PDE4D: variants seen among roughly 807,000 people sequenced by gnomAD.
PDE4D encodes 3',5'-cyclic-AMP phosphodiesterase 4D.
Under a neutral mutation model 87.4 loss-of-function variants are expected in PDE4D, and 24 were observed. That is an observed-to-expected ratio of 0.27 (90% CI 0.20 to 0.39). PDE4D has a LOEUF of 0.39. PDE4D is among the 10% of genes least tolerant of loss of function. The probability of loss-of-function intolerance (pLI) is 1.00; values close to 1 mark genes in which losing one functional copy is unlikely to be tolerated. For synonymous variants in PDE4D, 384 were observed against 383.2 expected (o/e 1.00, Z -0.02); for missense variants, 714 against 1,041.0 (o/e 0.69, Z 4.32).
intron 1 of PDE4D, among the ~76,000 whole-genome samples, chr5:59,235,289 G>A (rs992999328): frequency 6.6e-6 from 1 of 152,162 alleles, no homozygotes; most frequent in Non-Finnish European, 1.5e-5. Context: ...TCCTGGGTGA[G>A]ACAAAAGAAT....
chr5:60,460,079 C>G (rs1170121018), intron 1 of PDE4D: 3 of 1,603,206 alleles, frequency 1.9e-6, no homozygotes, highest in Non-Finnish European at 1.7e-6. Flanking sequence ...TCATCAGCAC[C>G]TGCATCAGAA....
At chr5:60,065,574 C>T (rs944442928) in intron 2 of PDE4D, among the ~76,000 whole-genome samples, 1 of 152,020 alleles carries the variant, frequency 6.6e-6, no homozygotes, top group Non-Finnish European at 1.5e-5. Context: ...TCTCCTAATG[C>T]TATCCCTCCC....
chr5:59,268,184 G>T (rs766502275), intron 1 of PDE4D, among the ~76,000 whole-genome samples: 1 of 151,794 alleles, frequency 6.6e-6, no homozygotes, highest in East Asian at 1.9e-4. Context: ...TCTCTAATTC[G>T]CATCCTCAGC....
intron 1 of PDE4D, among the ~76,000 whole-genome samples, chr5:59,767,159 T>C (rs78728625): frequency 0.016 from 2,366 of 152,202 alleles, 68 homozygotes; most frequent in African/African-American, 0.054. Flanking sequence ...GCTTTTTTTT[T>C]CCCTCCCATT....
chr5:60,143,717 G>A (rs1780757178), intron 2 of PDE4D, among the ~76,000 whole-genome samples: 1 of 151,372 alleles, frequency 6.6e-6, no homozygotes, highest in African/African-American at 2.4e-5. Context: ...AACCATGGTT[G>A]AGAAACACCC....
chr5:59,839,957 T>C (rs1742719856), intron 1 of PDE4D, among the ~76,000 whole-genome samples: 1 of 152,078 alleles, frequency 6.6e-6, no homozygotes, highest in East Asian at 1.9e-4. Context: ...ATACTGTCAT[T>C]TAGAATACAA....
In PDE4D at chr5:59,836,618, G is replaced by GTATCTATCTATC. The variant is rs6149046; in HGVS notation, c.455+56538_455+56549dup. On this transcript the variant is annotated intron_variant, in intron 1 of 14. Coordinates refer to ENST00000340635, the MANE Select transcript of PDE4D (RefSeq NM_001104631.2). ...TTTTCTGTCTTACCACTTCCAAGAT[G>GTATCTATCTATC]TATCTATCTATCTATCTATCTATCT... Among the ~76,000 whole-genome samples, 1,013 of 140,470 alleles carry GTATCTATCTATC rather than the reference G, an allele frequency of 7.2e-3. 6 individuals carry two copies. Among genetic ancestry groups the GTATCTATCTATC allele is most frequent in the Non-Finnish European group, 7.6e-3 (508 of 66,692 alleles). 92.2% of individuals were successfully genotyped at this position (140,470 alleles called of 152,430 possible).
rs76699158 is a variant in PDE4D, at chr5:60,154,941, A to G, written c.42+30616T>C. Among the ~76,000 whole-genome samples, 409 of 152,312 alleles carry G rather than the reference A, an allele frequency of 2.7e-3. 2 individuals carry two copies. Among genetic ancestry groups the G allele is most frequent in the Non-Finnish European group, 2.6e-3 (180 of 68,032 alleles). ...TTCATTCTCACAGCTGATTAGTATT[A>G]GAGTTGTATTCTTAGGTTCTTGTGA... On this transcript the variant is annotated intron_variant, in intron 2 of 16. Coordinates refer to the PDE4D transcript ENST00000502484.
intron 2 of PDE4D, among the ~76,000 whole-genome samples, chr5:59,213,334 G>A (rs543010544): frequency 1.4e-4 from 21 of 151,576 alleles, no homozygotes; most frequent in African/African-American, 5.1e-4. Flanking sequence ...CTATTTTTTT[G>A]GATTTTTAGT....
At chr5:59,515,165 C>A (rs1020146502) in intron 1 of PDE4D, among the ~76,000 whole-genome samples, 1 of 152,164 alleles carries the variant, frequency 6.6e-6, no homozygotes, top group African/African-American at 2.4e-5. Flanking sequence ...GAGGAAGTTA[C>A]CAAAACTAAT....
At chr5:59,722,164 A>C (rs546959909) in intron 1 of PDE4D, among the ~76,000 whole-genome samples, 4 of 152,236 alleles carry the variant, frequency 2.6e-5, no homozygotes, top group African/African-American at 9.6e-5. Flanking sequence ...ATTTCTGTTC[A>C]ATCTATTGCT....
intron 5 of PDE4D, among the ~76,000 whole-genome samples, chr5:59,117,037 T>C (rs1773723249): frequency 6.6e-6 from 1 of 152,208 alleles, no homozygotes; most frequent in Non-Finnish European, 1.5e-5. Context: ...AAATACTTTA[T>C]AGTACACAGT....
intron 1 of PDE4D, among the ~76,000 whole-genome samples, chr5:59,475,205 C>T (rs1007271870): frequency 1.0e-5 from 1 of 97,102 alleles, no homozygotes; most frequent in South Asian, 2.5e-4. Context: ...GCTGAGGGAT[C>T]CTCAGAGGGA....
At chr5:58,995,360 T>C (rs758579214) in intron 6 of PDE4D, among the ~76,000 whole-genome samples, 3 of 152,162 alleles carry the variant, frequency 2.0e-5, no homozygotes, top group African/African-American at 4.8e-5. Context: ...CATCAGGTGG[T>C]ATACAGAACA....
chr5:59,228,376 T>C (rs542068720), intron 1 of PDE4D, among the ~76,000 whole-genome samples: 6 of 151,322 alleles, frequency 4.0e-5, no homozygotes, highest in African/African-American at 1.5e-4. Context: ...AGTTTACCTA[T>C]ATAACAAACC....
chr5:60,377,698 T>C (rs746999249), intron 1 of PDE4D, among the ~76,000 whole-genome samples: 8 of 152,172 alleles, frequency 5.3e-5, no homozygotes, highest in Non-Finnish European at 1.0e-4. Flanking sequence ...CTACCAGTAG[T>C]CATTATATTA....
intron 1 of PDE4D, among the ~76,000 whole-genome samples, chr5:59,222,565 G>C (rs1001274834): frequency 1.3e-5 from 2 of 152,158 alleles, no homozygotes; most frequent in East Asian, 1.9e-4. Flanking sequence ...CACTCACAGG[G>C]AAGATCTTGC....
chr5:60,279,554 G>T (rs942642364), intron 1 of PDE4D, among the ~76,000 whole-genome samples: 3 of 152,106 alleles, frequency 2.0e-5, no homozygotes, highest in Admixed American at 2.0e-4. Context: ...CTGGAATATG[G>T]TGGTTATTAT....
In PDE4D at chr5:59,943,633, T is replaced by C. The variant is rs182899611; in HGVS notation, c.272+44855A>G. 3.9e-5 allele frequency among the ~76,000 whole-genome samples: 6 copies of C among 152,308 alleles called. No individual in the cohort carries two copies. In the East Asian group the frequency reaches 9.7e-4, roughly 25 times the overall value. On this transcript the variant is annotated intron_variant, in intron 3 of 16. Transcript: ENST00000502484. ...ATTTCACCTCTGCTTAGCCGCGCCT[T>C]TCCTTGAAATACTCTGCAGTTCCAG...
Sources: allele counts gnomAD v4.1 joint callset (sites outside exome capture counted in the v4.1 genomes callset), GRCh38; gene constraint gnomAD v4.1.1; transcripts MANE v1.5; gene names NCBI Gene and HGNC (gene_info 2026-07-23, HGNC 2026-07-21).